Variants in NSUN6 observed in about 807,000 individuals in gnomAD.
NSUN6 encodes the protein NOP2/Sun RNA methyltransferase 6, also known as tRNA (cytosine(72)-C(5))-methyltransferase NSUN6.
Under a neutral mutation model 58.0 loss-of-function variants are expected in NSUN6, and 64 were observed. That is an observed-to-expected ratio of 1.10 (90% confidence interval 0.90 to 1.36). The LOEUF (loss-of-function observed/expected upper bound fraction) is 1.36, where lower values mean the gene tolerates loss of function less well. Ranked by LOEUF, NSUN6 falls within the 40% of genes most tolerant of loss-of-function variation. The pLI is 0.00. For synonymous variants in NSUN6, 231 were observed against 193.9 expected (o/e 1.19, Z -1.59); for missense variants, 701 against 550.1 (o/e 1.27, Z -2.74).
At chr10:18,624,718 G>A (rs1234762119) in intron 3 of NSUN6, among the ~76,000 whole-genome samples, 1 of 132,082 alleles carries the variant, frequency 7.6e-6, no homozygotes, top group Non-Finnish European at 1.7e-5. Context: ...TATGTTAACA[G>A]AAAAAAAAAA....
At chr10:18,618,196 T>C (rs2058479573) in intron 3 of NSUN6, among the ~76,000 whole-genome samples, 2 of 152,198 alleles carry the variant, frequency 1.3e-5, no homozygotes, top group African/African-American at 4.8e-5. Context: ...TTACCACTGG[T>C]TTCAGATTTT....
chr10:18,599,499 C>G (rs184210768), intron 6 of NSUN6, among the ~76,000 whole-genome samples: 25 of 152,294 alleles, frequency 1.6e-4, no homozygotes, highest in Non-Finnish European at 3.2e-4. Context: ...TGGGCCTTAT[C>G]TAGTAAAATC....
intron 6 of NSUN6, among the ~76,000 whole-genome samples, chr10:18,602,949 G>A (rs1242770461): frequency 6.6e-6 from 1 of 152,100 alleles, no homozygotes; most frequent in East Asian, 1.9e-4. Flanking sequence ...AACATTTATT[G>A]ACCAAAATAT....
chr10:18,627,381 T>C (rs1590122622), intron 3 of NSUN6, among the ~76,000 whole-genome samples: 1 of 151,986 alleles, frequency 6.6e-6, no homozygotes, highest in East Asian at 1.9e-4. Flanking sequence ...CCCATGGAAA[T>C]GAAAAGGGGA....
rs138986991 is a variant in NSUN6, at chr10:18,561,978, A to G, written c.923-10007T>C. On this transcript the variant is annotated intron_variant, in intron 8 of 10. Transcript: ENST00000377304. Reference sequence around the variant, plus strand: ...GGAATGGAATGGAGAATGGAATGGAATGAAAAATGATATGGAATGGAGAAT... The same window carrying G: ...GGAATGGAATGGAGAATGGAATGGAGTGAAAAATGATATGGAATGGAGAAT... 1.6e-4 allele frequency among the ~76,000 whole-genome samples: 24 copies of G among 151,072 alleles called. 1 individual carries two copies. Among genetic ancestry groups the G allele is most frequent in the Non-Finnish European group, 8.9e-5 (6 of 67,736 alleles).
At chr10:18,573,115 A>G (rs1201478358) in intron 8 of NSUN6, among the ~76,000 whole-genome samples, 1 of 144,236 alleles carries the variant, frequency 6.9e-6, no homozygotes, top group Non-Finnish European at 1.5e-5. Context: ...GTTACACTCC[A>G]TTCCATTCCA....
chr10:18,626,244 A>G (rs986184978), intron 3 of NSUN6, among the ~76,000 whole-genome samples: 11 of 152,048 alleles, frequency 7.2e-5, no homozygotes, highest in Non-Finnish European at 1.6e-4. Context: ...TAAAAAAAAA[A>G]AAACAGAAAA....
intron 9 of NSUN6, among the ~76,000 whole-genome samples, chr10:18,551,293 G>GTGTGTGTGTGTGTGTGTGT (rs1554848038): frequency 3.7e-5 from 2 of 54,062 alleles, no homozygotes; most frequent in East Asian, 9.2e-4. Context: ...TGTGTGTGTG[G>GTGTGTGTGTGTGTGTGTGT]TAAAATATAA....
In NSUN6 at chr10:18,568,398, T is replaced by TCTCCA. The variant is rs978775009; in HGVS notation, c.923-16432_923-16428dup. Among the ~76,000 whole-genome samples the TCTCCA allele has an allele frequency of 1.3e-3, 88 of 66,912 alleles. No homozygotes were observed. In the East Asian group the frequency reaches 0.094, roughly 72 times the overall value. 43.9% of individuals were successfully genotyped at this position (66,912 alleles called of 152,430 possible). A position where few individuals can be genotyped will look rare whatever the true frequency, so the allele number is the denominator to read the frequency against. On this transcript the variant is annotated intron_variant, in intron 8 of 10. Transcript: ENST00000377304. Reference sequence around the variant, plus strand: ...CCTTCCCTTCCTTTCTCCATTCCATTCTCCATTCCATTCCATTCTCCATTT... The same window carrying TCTCCA: ...CCTTCCCTTCCTTTCTCCATTCCATTCTCCACTCCATTCCATTCCATTCTCCATTT...
intron 6 of NSUN6, among the ~76,000 whole-genome samples, chr10:18,603,504 C>G (rs534153617): frequency 6.7e-6 from 1 of 149,426 alleles, no homozygotes; most frequent in African/African-American, 2.5e-5. Flanking sequence ...GAGTCTCGCT[C>G]TTGTCGCCCA....
upstream of NSUN6, chr10:18,651,989 C>T: frequency 1.0e-6 from 1 of 985,352 alleles, no homozygotes; most frequent in South Asian, 4.7e-5. Flanking sequence ...GCATCAGCCA[C>T]CGTTTGATTT....
At chr10:18,556,470 G>A (rs1488458373) in intron 8 of NSUN6, among the ~76,000 whole-genome samples, 3 of 150,408 alleles carry the variant, frequency 2.0e-5, no homozygotes, top group East Asian at 4.0e-4. Context: ...AATGGAGAAT[G>A]GAATGGAATG....
upstream of NSUN6, chr10:18,652,963 A>C: frequency 1.0e-6 from 1 of 983,252 alleles, no homozygotes; most frequent in Non-Finnish European, 1.2e-6. Context: ...TTTGGCTTCT[A>C]GAGCCAATAC....
chr10:18,586,079 T>C lies in NSUN6; in HGVS notation c.792A>G (p.Ala264=), dbSNP rs1246479957. 6.3e-7 allele frequency: 1 copy of C among 1,579,160 alleles called. No homozygotes were observed. Among genetic ancestry groups the C allele is most frequent in the Non-Finnish European group, 8.6e-7 (1 of 1,168,232 alleles). ...CTACTTTGTTGAAGATTTTATCCAG[T>C]GCTATAACTTCTCCCTAAAAAGAAA... The part of the protein sequence containing the change: ...ALMHDQGEVI[A]LDKIFNKVEK... The change falls in exon 8 of 11, where the codon GCA becomes GCG. Residue 264 remains alanine, a synonymous_variant. Transcript: ENST00000377304.
At chr10:18,646,991 CAAT>C (rs1317379256) in intron 2 of NSUN6, among the ~76,000 whole-genome samples, 3 of 152,106 alleles carry the variant, frequency 2.0e-5, no homozygotes, top group Non-Finnish European at 4.4e-5. Context: ...TCATTACTCT[CAAT>C]AAGATTATCA....
Position 18,625,705 on chromosome 10 carries a change from T to C in NSUN6, c.312-9412A>G, listed in dbSNP as rs78237534. Among the ~76,000 whole-genome samples, 59 of 100,898 alleles carry C rather than the reference T, an allele frequency of 5.8e-4. 1 individual carries two copies. In the East Asian group the frequency reaches 0.019, roughly 32 times the overall value. 66.2% of individuals were successfully genotyped at this position (100,898 alleles called of 152,430 possible). Reference sequence around the variant, plus strand: ...TCCAGCCTGGGTGACAGAGTGAGACTATGTGTTTTTTTTTTAAAAAAAAAA... The same window carrying C: ...TCCAGCCTGGGTGACAGAGTGAGACCATGTGTTTTTTTTTTAAAAAAAAAA... On this transcript the variant is annotated intron_variant, in intron 3 of 10. Transcript: ENST00000377304.
At chr10:18,629,055 C>CT (rs1203889483) in intron 3 of NSUN6, among the ~76,000 whole-genome samples, 23 of 152,180 alleles carry the variant, frequency 1.5e-4, no homozygotes, top group Non-Finnish European at 2.9e-4. Context: ...CAGCAGGTCT[C>CT]TTGGCAGAAA....
intron 6 of NSUN6, among the ~76,000 whole-genome samples, chr10:18,598,280 C>A (rs974505309): frequency 6.6e-6 from 1 of 152,208 alleles, no homozygotes; most frequent in Non-Finnish European, 1.5e-5. Context: ...AATCCCATCA[C>A]CCTTTGCTGA....
At chr10:18,564,601 C>T (rs977734502) in intron 8 of NSUN6, among the ~76,000 whole-genome samples, 3 of 150,506 alleles carry the variant, frequency 2.0e-5, no homozygotes, top group African/African-American at 4.9e-5. Flanking sequence ...TTCTCCATTC[C>T]GTACCATTCT....
Sources: allele counts gnomAD v4.1 joint callset (sites outside exome capture counted in the v4.1 genomes callset), GRCh38; gene constraint gnomAD v4.1.1; transcripts MANE v1.5; gene names NCBI Gene and HGNC (gene_info 2026-07-23, HGNC 2026-07-21).